Variants in NELL1 observed in about 807,000 individuals in gnomAD.
NELL1 encodes neural EGFL like 1.
Under a neutral mutation model 107.4 loss-of-function variants are expected in NELL1, and 76 were observed. The observed-to-expected ratio is 0.71, with a 90% confidence interval of 0.59 to 0.86. The LOEUF (loss-of-function observed/expected upper bound fraction) is 0.86, where lower values mean the gene tolerates loss of function less well. NELL1 is among the 40% of genes least tolerant of loss of function. The pLI is 0.00. For synonymous variants in NELL1, 353 were observed against 341.2 expected (o/e 1.03, Z -0.38); for missense variants, 1,024 against 1,005.5 (o/e 1.02, Z -0.25).
intron 2 of NELL1, among the ~76,000 whole-genome samples, chr11:20,739,844 C>G (rs1855847424): frequency 6.6e-6 from 1 of 152,088 alleles, no homozygotes. Flanking sequence ...CTCAAGTGGT[C>G]TGGAAGCACG....
At chr11:21,493,373 G>A (rs1258855682) in intron 15 of NELL1, among the ~76,000 whole-genome samples, 2 of 152,078 alleles carry the variant, frequency 1.3e-5, no homozygotes, top group South Asian at 2.1e-4. Context: ...AGTAAATGTG[G>A]CATGTATACA....
chr11:21,215,355 A>G (rs1857591155), intron 13 of NELL1, among the ~76,000 whole-genome samples: 1 of 152,172 alleles, frequency 6.6e-6, no homozygotes, highest in South Asian at 2.1e-4. Flanking sequence ...TTTATAAATT[A>G]CCTAGTCCCA....
chr11:20,859,613 C>A (rs1025428972), intron 4 of NELL1, among the ~76,000 whole-genome samples: 12 of 152,186 alleles, frequency 7.9e-5, no homozygotes, highest in African/African-American at 2.9e-4. Flanking sequence ...TTCGCTACCT[C>A]AAGGTGACAA....
At chr11:20,976,216 G>GA (rs1413579577) in intron 12 of NELL1, among the ~76,000 whole-genome samples, 1 of 150,862 alleles carries the variant, frequency 6.6e-6, no homozygotes, top group Non-Finnish European at 1.5e-5. Context: ...GTACAGATAT[G>GA]TGTGTGTATA....
chr11:21,036,493 A>G (rs1853095857), intron 12 of NELL1, among the ~76,000 whole-genome samples: 1 of 152,200 alleles, frequency 6.6e-6, no homozygotes, highest in African/African-American at 2.4e-5. Context: ...ACAGGGCTAC[A>G]GTAACCAAAA....
chr11:21,547,882 C>A (rs1243884808), intron 16 of NELL1, among the ~76,000 whole-genome samples: 1 of 151,816 alleles, frequency 6.6e-6, no homozygotes. Context: ...TAGTGAGTAG[C>A]AATTTCTCAG....
Position 20,721,181 on chromosome 11 carries a change from G to GTATATATATATA in NELL1, c.184+43126_184+43137dup, listed in dbSNP as rs137948986. On this transcript the variant is annotated intron_variant, in intron 2 of 19. Coordinates refer to ENST00000357134, the MANE Select transcript of NELL1 (RefSeq NM_006157.5). ...AATGAGATATAGATATATATTTTGT[G>GTATATATATATA]TATATATATATATATAGTGTATATA... Among the ~76,000 whole-genome samples the GTATATATATATA allele has an allele frequency of 2.0e-4, 25 of 125,832 alleles. 1 individual carries two copies. The highest frequency in any genetic ancestry group is 8.3e-4 in the African/African-American group (23 of 27,854). The allele number at this position is 125,832 out of a possible 152,430, so 82.6% of individuals were successfully genotyped here.
chr11:20,745,037 T>C (rs925111070), intron 2 of NELL1, among the ~76,000 whole-genome samples: 3 of 152,186 alleles, frequency 2.0e-5, no homozygotes, highest in African/African-American at 7.2e-5. Flanking sequence ...ATTACCCTAT[T>C]TTATCTTTTC....
At chr11:21,527,742 T>C (rs1269109791) in intron 15 of NELL1, among the ~76,000 whole-genome samples, 1 of 152,092 alleles carries the variant, frequency 6.6e-6, no homozygotes, top group East Asian at 1.9e-4. Flanking sequence ...AAATCTCTGG[T>C]TTAGGTCCAA....
intron 14 of NELL1, among the ~76,000 whole-genome samples, chr11:21,323,204 T>A (rs1313737292): frequency 1.3e-5 from 2 of 152,176 alleles, no homozygotes; most frequent in African/African-American, 4.8e-5. Flanking sequence ...ATTGTGGGAA[T>A]GTAACAAATT....
chr11:21,159,438 T>A (rs1006497864), intron 13 of NELL1, among the ~76,000 whole-genome samples: 1 of 152,218 alleles, frequency 6.6e-6, no homozygotes, highest in Non-Finnish European at 1.5e-5. Context: ...TTAGGAATGA[T>A]CTTATTAGGA....
At chr11:21,483,100 C>G (rs1389400590) in intron 15 of NELL1, among the ~76,000 whole-genome samples, 1 of 151,964 alleles carries the variant, frequency 6.6e-6, no homozygotes, top group Non-Finnish European at 1.5e-5. Context: ...CCTGGCACTG[C>G]CTTTCCAACA....
intron 15 of NELL1, among the ~76,000 whole-genome samples, chr11:21,376,474 T>C (rs1851482808): frequency 8.5e-5 from 13 of 152,098 alleles, no homozygotes. Context: ...TGTTGTCAGG[T>C]AGTGTGTGAT....
intron 14 of NELL1, among the ~76,000 whole-genome samples, chr11:21,232,071 G>C (rs1590755678): frequency 6.6e-6 from 1 of 150,540 alleles, no homozygotes; most frequent in Middle Eastern, 3.4e-3. Flanking sequence ...GGCTGCGGCG[G>C]GTGGATCACC....
rs79141068 is a variant in NELL1, at chr11:21,059,470, T to A, written c.1301-54119T>A. Among the ~76,000 whole-genome samples, 1,764 of 152,200 alleles carry A rather than the reference T, an allele frequency of 0.012. 67 individuals are homozygous for A. In the South Asian group the frequency reaches 0.13, roughly 11 times the overall value. ...TCCCCAAGAAGAATCTTTGCTCTTC[T>A]CTTGGATTTTAGTCCTGATGATACC... On this transcript the variant is annotated intron_variant, in intron 12 of 19. Transcript: ENST00000357134.
intron 3 of NELL1, among the ~76,000 whole-genome samples, chr11:20,836,189 A>G (rs1848531396): frequency 6.6e-6 from 1 of 152,008 alleles, no homozygotes; most frequent in Admixed American, 6.6e-5. Flanking sequence ...GCATATTACA[A>G]TGCTCAATAT....
intron 2 of NELL1, among the ~76,000 whole-genome samples, chr11:20,764,468 A>G (rs1856489625): frequency 6.6e-6 from 1 of 152,172 alleles, no homozygotes; most frequent in Admixed American, 6.5e-5. Flanking sequence ...GAGGCTGGTC[A>G]GTATGCTACT....
intron 13 of NELL1, among the ~76,000 whole-genome samples, chr11:21,207,052 TG>T (rs1252970339): frequency 6.6e-6 from 1 of 152,184 alleles, no homozygotes; most frequent in Non-Finnish European, 1.5e-5. Context: ...ATTCTAGTTG[TG>T]GGTATTCCTA....
At chr11:21,408,061 G>A (rs1420461399) in intron 15 of NELL1, among the ~76,000 whole-genome samples, 1 of 151,916 alleles carries the variant, frequency 6.6e-6, no homozygotes, top group Non-Finnish European at 1.5e-5. Context: ...GGTGGCAAGT[G>A]CTTGGTGTGT....
Sources: allele counts gnomAD v4.1 joint callset (sites outside exome capture counted in the v4.1 genomes callset), GRCh38; gene constraint gnomAD v4.1.1; transcripts MANE v1.5; gene names NCBI Gene and HGNC (gene_info 2026-07-23, HGNC 2026-07-21).